Variants in CCSER1 observed in about 807,000 individuals in gnomAD.
CCSER1 encodes the protein serine-rich coiled-coil domain-containing protein 1.
In CCSER1, 41 loss-of-function variants were observed where a neutral mutation model predicts 82.0. The observed-to-expected ratio is 0.50, with a 90% confidence interval of 0.39 to 0.65. The LOEUF (loss-of-function observed/expected upper bound fraction) is 0.65, where lower values mean the gene tolerates loss of function less well. Ranked by LOEUF, CCSER1 falls within the 30% of genes least tolerant of loss-of-function variation. The pLI is 0.00. For synonymous variants in CCSER1, 414 were observed against 383.9 expected (o/e 1.08, Z -0.92); for missense variants, 1,119 against 1,064.2 (o/e 1.05, Z -0.72).
chr4:91,163,042 A>G (rs936594223), intron 10 of CCSER1, among the ~76,000 whole-genome samples: 4 of 152,052 alleles, frequency 2.6e-5, no homozygotes, highest in Non-Finnish European at 5.9e-5. Context: ...AATTTTACAT[A>G]TTCCCTGCTT....
rs1336071562 is a variant in CCSER1 at position 90,723,992 on chromosome 4, G to T, written c.2010+1G>T. 6.5e-7 allele frequency: 1 copy of T among 1,542,176 alleles called. No homozygotes were observed. Among genetic ancestry groups the T allele is most frequent in the South Asian group, 1.2e-5 (1 of 82,824 alleles). ...TACTGAAGAGCCAGTGCCTTTCAAG[G>T]TAAAAAACAAACAAGAAAGCATTAT... On this transcript the variant is annotated splice_donor_variant, in intron 7 of 10. Coordinates refer to ENST00000509176, the MANE Select transcript of CCSER1 (RefSeq NM_001145065.2). LOFTEE classifies it high-confidence loss of function.
intron 10 of CCSER1, among the ~76,000 whole-genome samples, chr4:91,585,935 T>C (rs559547413): frequency 2.1e-4 from 32 of 151,798 alleles, no homozygotes; most frequent in Admixed American, 1.9e-3. Flanking sequence ...TGATTAAATT[T>C]GCATTAAAAA....
intron 5 of CCSER1, among the ~76,000 whole-genome samples, chr4:90,576,102 T>G (rs1207756120): frequency 6.6e-6 from 1 of 152,218 alleles, no homozygotes; most frequent in African/African-American, 2.4e-5. Flanking sequence ...TTTTGCTTAC[T>G]AGATTGATAG....
intron 1 of CCSER1, among the ~76,000 whole-genome samples, chr4:90,200,621 G>A (rs911302192): frequency 2.0e-5 from 3 of 151,930 alleles, no homozygotes; most frequent in Non-Finnish European, 4.4e-5. Flanking sequence ...ATTTTCAGTA[G>A]CCTAAAAAAT....
chr4:90,276,473 A>G (rs1417561152), intron 1 of CCSER1, among the ~76,000 whole-genome samples: 1 of 146,950 alleles, frequency 6.8e-6, no homozygotes, highest in Admixed American at 6.8e-5. Flanking sequence ...CAGCCTCCTG[A>G]GTAGCTGGGA....
At chr4:90,873,351 A>G (rs981492457) in intron 8 of CCSER1, among the ~76,000 whole-genome samples, 4 of 151,938 alleles carry the variant, frequency 2.6e-5, no homozygotes, top group East Asian at 3.9e-4. Context: ...TTCTGAATCA[A>G]TTCTGTTGGT....
chr4:91,319,576 T>A (rs896911744), intron 10 of CCSER1: 6 of 441,718 alleles, frequency 1.4e-5, no homozygotes, highest in Non-Finnish European at 2.7e-5. Context: ...AAGTAAAGAA[T>A]AAGTGTCACA....
chr4:90,250,214 A>G (rs1722149080), intron 1 of CCSER1, among the ~76,000 whole-genome samples: 1 of 152,096 alleles, frequency 6.6e-6, no homozygotes, highest in African/African-American at 2.4e-5. Context: ...TTTGCAGAAC[A>G]AAGTTGGTAA....
At chr4:91,098,227 A>G (rs913198082) in intron 10 of CCSER1, among the ~76,000 whole-genome samples, 7 of 152,210 alleles carry the variant, frequency 4.6e-5, no homozygotes, top group Admixed American at 3.9e-4. Context: ...CTTTGCTAAT[A>G]GACTTGGATA....
chr4:90,263,366 C>A (rs1464647336), intron 1 of CCSER1, among the ~76,000 whole-genome samples: 3 of 152,322 alleles, frequency 2.0e-5, no homozygotes, highest in Non-Finnish European at 4.4e-5. Context: ...GACTTTAAGT[C>A]TCCCAGCATT....
chr4:91,383,298 A>G (rs1177405882), intron 10 of CCSER1, among the ~76,000 whole-genome samples: 2 of 152,160 alleles, frequency 1.3e-5, no homozygotes, highest in Non-Finnish European at 2.9e-5. Context: ...ATGAAGTATC[A>G]CAATCATTCA....
intron 10 of CCSER1, among the ~76,000 whole-genome samples, chr4:91,593,919 A>G (rs1193955031): frequency 6.6e-6 from 1 of 152,196 alleles, no homozygotes; most frequent in Non-Finnish European, 1.5e-5. Context: ...CTTGCATTTG[A>G]TGAAATACAG....
At chr4:90,797,350 C>T (rs1442758059) in intron 7 of CCSER1, among the ~76,000 whole-genome samples, 1 of 152,008 alleles carries the variant, frequency 6.6e-6, no homozygotes, top group African/African-American at 2.4e-5. Context: ...TTTCTGCATC[C>T]CTTTATTTTG....
At chr4:91,484,523 A>G (rs1479311087) in intron 10 of CCSER1, among the ~76,000 whole-genome samples, 1 of 152,204 alleles carries the variant, frequency 6.6e-6, no homozygotes, top group Non-Finnish European at 1.5e-5. Flanking sequence ...CACAATTTCT[A>G]TATAATATTT....
intron 6 of CCSER1, among the ~76,000 whole-genome samples, chr4:90,657,404 T>C (rs775063446): frequency 8.5e-5 from 13 of 152,174 alleles, no homozygotes; most frequent in Non-Finnish European, 1.6e-4. Flanking sequence ...TTGCTGTTTA[T>C]GTTATTTACA....
chr4:90,917,489 G>C (rs890604619), intron 8 of CCSER1, among the ~76,000 whole-genome samples: 3 of 152,062 alleles, frequency 2.0e-5, no homozygotes, highest in Admixed American at 2.0e-4. Context: ...CCAGGAAGGG[G>C]ACATCACACA....
intron 10 of CCSER1, among the ~76,000 whole-genome samples, chr4:91,303,850 A>G (rs1744852866): frequency 6.6e-6 from 1 of 152,034 alleles, no homozygotes; most frequent in Non-Finnish European, 1.5e-5. Flanking sequence ...ACTACCCAGG[A>G]TAAAATAAAA....
chr4:90,657,060 G>T (rs1376326467), intron 6 of CCSER1, among the ~76,000 whole-genome samples: 1 of 151,916 alleles, frequency 6.6e-6, no homozygotes, highest in Non-Finnish European at 1.5e-5. Flanking sequence ...TCTACATACA[G>T]TCATCTATCT....
chr4:91,187,842 C>T (rs958484649), intron 10 of CCSER1, among the ~76,000 whole-genome samples: 9 of 152,096 alleles, frequency 5.9e-5, no homozygotes, highest in East Asian at 1.9e-4. Flanking sequence ...CGTGAGTCAC[C>T]GTGCCCAGCT....
Sources: gnomAD v4.1 joint callset for allele counts (sites outside exome capture counted in the v4.1 genomes callset) on GRCh38, gnomAD v4.1.1 for gene constraint, MANE v1.5 for transcripts, NCBI Gene and HGNC (gene_info 2026-07-23, HGNC 2026-07-21) for gene names.